PDE6B: variants seen among roughly 807,000 people sequenced by gnomAD.
PDE6B encodes phosphodiesterase 6B, also known as rod cGMP-specific 3',5'-cyclic phosphodiesterase subunit beta.
In PDE6B, 106 loss-of-function variants were observed where a neutral mutation model predicts 109.0. That is an observed-to-expected ratio of 0.97 (90% confidence interval 0.83 to 1.14). The LOEUF is 1.14. Among genes scored for constraint, PDE6B ranks in the 50% most tolerant of loss-of-function variants. PDE6B has a pLI of 0.00. For missense variants in PDE6B, 1,193 were observed against 1,155.6 expected, an observed-to-expected ratio of 1.03 and a Z score of -0.47; for synonymous variants, 490 against 471.3, an observed-to-expected ratio of 1.04 and a Z score of -0.51.
In PDE6B at chr4:660,583, C is replaced by T. The variant is rs145273613; in HGVS notation, c.1584C>T (p.Gly528=). 1.4e-5 allele frequency: 23 copies of T among 1,613,742 alleles called. No homozygotes were observed. In the East Asian group the frequency reaches 2.7e-4, roughly 19 times the overall value. The change falls in exon 12 of 22, where the codon GGC becomes GGT. Residue 528 remains glycine, a synonymous_variant. Transcript: ENST00000496514. ...GCATCCAGATGTACTACGAGCTGGG[C>T]GTGGTCCGAAAGTTCCAGATCCCCC... The part of the protein sequence containing the change: ...KCGIQMYYEL[G]VVRKFQIPQE...
rs1466537097 is a variant in PDE6B at position 636,491 on chromosome 4, G to A, written c.711+522G>A. 1.3e-5 allele frequency among the ~76,000 whole-genome samples: 2 copies of A among 152,108 alleles called. No homozygotes were observed. Among genetic ancestry groups the A allele is most frequent in the Non-Finnish European group, 2.9e-5 (2 of 68,004 alleles). On this transcript the variant is annotated intron_variant, in intron 3 of 21. Transcript: ENST00000496514. This position sits in a 1 kb window ranked among gnomAD's most constrained non-coding sequence, Gnocchi z 4.5. Reference sequence around the variant, plus strand: ...GGTGTGCCGAGGTGCGTGGGAAAACGCAGGGGGATGACCTCCAGGGCAGGT... The same window carrying A: ...GGTGTGCCGAGGTGCGTGGGAAAACACAGGGGGATGACCTCCAGGGCAGGT...
intron 3 of PDE6B, among the ~76,000 whole-genome samples, chr4:645,249 C>A (rs1048362333): frequency 6.6e-6 from 1 of 150,938 alleles, no homozygotes; most frequent in Non-Finnish European, 1.5e-5. Flanking sequence ...TCTTTTTATC[C>A]GCTCTGAAAA....
chr4:656,174 C>T (rs566604978), intron 7 of PDE6B, 71 bp from the exon 8 acceptor site: 106 of 1,174,892 alleles, frequency 9.0e-5, no homozygotes, highest in Non-Finnish European at 5.9e-5. Context: ...CTCAGGGCCA[C>T]AGAGGCCATT....
rs574125703 is a variant in PDE6B at position 663,423 on chromosome 4, G to A, written c.1920+236G>A. ...TGGAAAGGGCCCCTCATGGGGTGGG[G>A]TGGAAGCCGAAGGGGAAGCGGCCCG... On this transcript the variant is annotated intron_variant, in intron 15 of 21. Transcript: ENST00000496514. This position sits in a 1 kb window ranked among gnomAD's most constrained non-coding sequence, Gnocchi z 4.0. Among the ~76,000 whole-genome samples the A allele has an allele frequency of 6.6e-6, 1 of 152,328 alleles. No individual in the cohort carries two copies. Among genetic ancestry groups the A allele is most frequent in the African/African-American group, 2.4e-5 (1 of 41,586 alleles).
At chr4:632,997 C>G (rs12331186) in intron 1 of PDE6B, among the ~76,000 whole-genome samples, 1 of 152,126 alleles carries the variant, frequency 6.6e-6, no homozygotes, top group Non-Finnish European at 1.5e-5. Flanking sequence ...GAAACAGTAA[C>G]AGAGACTCTG....
At chr4:656,060 G>C in intron 7 of PDE6B, 54 bp downstream of exon 7, 2 of 1,185,914 alleles carry the variant, frequency 1.7e-6, no homozygotes, top group Non-Finnish European at 2.5e-6. Flanking sequence ...TGGGTGCGGC[G>C]ATGTGTGCTT....
intron 6 of PDE6B, chr4:655,577 G>A: frequency 2.5e-6 from 1 of 396,772 alleles, no homozygotes. Context: ...GCAGCCTGGG[G>A]AGGAGGAAGA....
Position 626,104 on chromosome 4 carries a change from T to C in PDE6B, c.468+10T>C. 1 of 1,522,316 alleles carries C rather than the reference T, an allele frequency of 6.6e-7. No homozygotes were observed. Among genetic ancestry groups the C allele is most frequent in the Non-Finnish European group, 9.0e-7 (1 of 1,115,312 alleles). 94.3% of individuals were successfully genotyped at this position (1,522,316 alleles called of 1,614,324 possible). ...CGAGGACGTGGCCGAGGTGGGTCTGTGCGGAGCCTCAGGGAGGCGGCTGTG... is the reference window on the plus strand; with the variant it reads ...CGAGGACGTGGCCGAGGTGGGTCTGCGCGGAGCCTCAGGGAGGCGGCTGTG... On this transcript the variant is annotated intron_variant, in intron 1 of 21. Transcript: ENST00000496514. This position sits in a 1 kb window ranked among gnomAD's most constrained non-coding sequence, Gnocchi z 4.6.
intron 12 of PDE6B, chr4:661,737 G>A (rs188468320): frequency 1.9e-5 from 6 of 309,462 alleles, no homozygotes; most frequent in East Asian, 1.6e-4. Flanking sequence ...TGCGGACATC[G>A]GTTCTCCCAC....
intron 3 of PDE6B, among the ~76,000 whole-genome samples, chr4:645,067 C>T (rs1735133774): frequency 6.6e-6 from 1 of 152,058 alleles, no homozygotes; most frequent in Non-Finnish European, 1.5e-5. Flanking sequence ...CTTCCACCAA[C>T]AATTTTCCTT....
intron 5 of PDE6B, chr4:654,561 G>A (rs983518323): frequency 3.3e-5 from 20 of 606,736 alleles, no homozygotes; most frequent in Middle Eastern, 8.7e-4. Context: ...CGTGTGATGC[G>A]TGTCCCGTGA....
intron 2 of PDE6B, 121 bp from the exon 3 acceptor site, chr4:635,759 G>T (rs557220234): frequency 2.2e-5 from 16 of 715,046 alleles, no homozygotes; most frequent in African/African-American, 2.1e-4. Context: ...TGCCTGTGGG[G>T]CACAGCTTCC....
At position 656,908 on chromosome 4, in the gene PDE6B, AG is replaced by A. The variant is rs778419314; in HGVS notation, c.1143del (p.Asn382MetfsTer40). 6.2e-7 allele frequency: 1 copy of A among 1,612,986 alleles called. No homozygotes were observed. On this transcript the variant is annotated frameshift_variant, in exon 9 of 22. Transcript: ENST00000496514. LOFTEE classifies it high-confidence loss of function. ...CTGGACGACTCCGGGTGGCTCATCA[AG>A]AATGTGCTGTCCATGCCCATCGTCA... is the stretch of plus-strand genomic sequence containing the variant. ...GALDDSGWLI[K>X]NVLSMPIVNK...
Position 664,892 on chromosome 4 carries a change from T to C in PDE6B, c.2141T>C (p.Met714Thr), listed in dbSNP as rs1399723682. 2 of 1,613,170 alleles carry C rather than the reference T, an allele frequency of 1.2e-6. No homozygotes were observed. The highest frequency in any genetic ancestry group is 1.7e-5 in the Admixed American group (1 of 60,010). The change falls in exon 18 of 22, where the codon ATG (methionine) becomes ACG (threonine). Residue 714 changes from methionine to threonine, a missense_variant. Transcript: ENST00000496514. ...TRKEIVMAMMMTACDLSAITK... is the reference protein window; with the variant it reads ...TRKEIVMAMMTTACDLSAITK... ...GTTTGTGTCTGCAGGGCCATGATGA[T>C]GACAGCCTGCGACCTGTCTGCCATC...
Position 657,417 on chromosome 4 carries a change from G to C in PDE6B, c.1324G>C (p.Glu442Gln), listed in dbSNP as rs1248704667. 12 of 1,613,346 alleles carry C rather than the reference G, an allele frequency of 7.4e-6. No individual in the cohort carries two copies. The highest frequency in any genetic ancestry group is 1.7e-5 in the Admixed American group (1 of 60,024). The change falls in exon 10 of 22, where the codon GAG becomes CAG. Residue 442 changes from glutamate to glutamine, a missense_variant. Coordinates refer to ENST00000496514, the MANE Select transcript of PDE6B (RefSeq NM_000283.4). ...TDTYDKMNKL[E>Q]NRKDIAQDMV... is the part of the protein sequence containing the mutation. ...CACCTACGACAAGATGAACAAGCTG[G>C]AGAACCGCAAGGACATCGCACAGGA...
In PDE6B at chr4:636,091, G is replaced by A; in HGVS notation, c.711+122G>A. On this transcript the variant is annotated intron_variant, in intron 3 of 21. Transcript: ENST00000496514. The surrounding 1 kb of genome is among the most constrained non-coding windows in gnomAD (Gnocchi z 4.5). ...TGCTCACCTGGGTAGGTCCTGGGGT[G>A]GGCATTGCTCAGGGGAGAGGAGGGC... is the stretch of plus-strand genomic sequence containing the variant. 6 of 703,416 alleles carry A rather than the reference G, an allele frequency of 8.5e-6. No homozygotes were observed. The Admixed American group carries it at 9.9e-5, about 12-fold the overall frequency. 43.6% of individuals were successfully genotyped at this position (703,416 alleles called of 1,614,324 possible). A position where few individuals can be genotyped will look rare whatever the true frequency, so the allele number is the denominator to read the frequency against.
intron 11 of PDE6B, among the ~76,000 whole-genome samples, chr4:659,794 A>G (rs1736848882): frequency 6.6e-6 from 1 of 152,084 alleles, no homozygotes; most frequent in Admixed American, 6.5e-5. Flanking sequence ...ATGGATATAT[A>G]TAGACACATG....
chr4:630,937 G>A (rs955021255), intron 1 of PDE6B, among the ~76,000 whole-genome samples: 4 of 152,214 alleles, frequency 2.6e-5, no homozygotes, highest in East Asian at 1.9e-4. Context: ...AGAAGCTGTC[G>A]GCATAAGGAT....
chr4:661,986 C>T lies in PDE6B; in HGVS notation c.1615-148C>T, dbSNP rs550338026. Reference sequence around the variant, plus strand: ...GGCCAGCAGAGGCCAGTGGGAAACGCAGGGATGGGGAAGATCGGGAAGTCC... The same window carrying T: ...GGCCAGCAGAGGCCAGTGGGAAACGTAGGGATGGGGAAGATCGGGAAGTCC... On this transcript the variant is annotated intron_variant, in intron 12 of 21. Transcript: ENST00000496514. 19 of 674,550 alleles carry T rather than the reference C, an allele frequency of 2.8e-5. No individual in the cohort carries two copies. The East Asian group carries it at 5.2e-4, about 18-fold the overall frequency. The allele number at this position is 674,550 out of a possible 1,614,324, so 41.8% of individuals were successfully genotyped here. A position where few individuals can be genotyped will look rare whatever the true frequency, so the allele number is the denominator to read the frequency against.
Sources: allele counts gnomAD v4.1 joint callset (sites outside exome capture counted in the v4.1 genomes callset), GRCh38; gene constraint gnomAD v4.1.1; non-coding constraint Gnocchi (gnomAD v3.1); transcripts MANE v1.5; gene names NCBI Gene and HGNC (gene_info 2026-07-23, HGNC 2026-07-21).